Variants in DZIP1 observed in about 807,000 individuals in gnomAD.
DZIP1 encodes the protein cilium assembly protein DZIP1.
Under a neutral mutation model 107.6 loss-of-function variants are expected in DZIP1, and 97 were observed. The observed-to-expected ratio is 0.90, with a 90% CI of 0.77 to 1.07. The LOEUF is 1.07. Among genes scored for constraint, DZIP1 ranks in the 50% least tolerant of loss-of-function variants. The probability of loss-of-function intolerance (pLI) is 0.00; values close to 1 mark genes in which losing one functional copy is unlikely to be tolerated. For synonymous variants in DZIP1, 390 were observed against 386.4 expected (o/e 1.01, Z -0.11); for missense variants, 1,035 against 1,063.6 (o/e 0.97, Z 0.37).
chr13:95,628,988 A>G (rs915483930), intron 7 of DZIP1, among the ~76,000 whole-genome samples: 11 of 152,266 alleles, frequency 7.2e-5, no homozygotes, highest in Non-Finnish European at 1.6e-4. Context: ...ACTTAAAAAT[A>G]GTTAAAATCA....
intron 14 of DZIP1, among the ~76,000 whole-genome samples, chr13:95,604,124 C>A (rs565898837): frequency 3.3e-5 from 5 of 152,194 alleles, no homozygotes; most frequent in Non-Finnish European, 5.9e-5. Flanking sequence ...TTCGCCCAAC[C>A]CTGCTTCTCT....
chr13:95,625,508 G>A (rs1238751446), intron 7 of DZIP1, among the ~76,000 whole-genome samples: 5 of 152,042 alleles, frequency 3.3e-5, no homozygotes, highest in African/African-American at 1.2e-4. Flanking sequence ...AAGTGCACAT[G>A]GAATATTTAC....
rs545343509 is a variant in DZIP1, at chr13:95,610,708, A to G, written c.1363+737T>C. Among the ~76,000 whole-genome samples, 7 of 152,302 alleles carry G rather than the reference A, an allele frequency of 4.6e-5. No homozygotes were observed. The East Asian group carries it at 1.3e-3, about 29-fold the overall frequency. On this transcript the variant is annotated intron_variant, in intron 12 of 22. Coordinates refer to ENST00000376829, the MANE Select transcript of DZIP1 (RefSeq NM_198968.4). ...ATAACAAGCCTATGATATAGTTACT[A>G]TTTGCTATGACTTGAATGTCCCCTC...
At chr13:95,642,687 A>G (rs1289218203) in intron 3 of DZIP1, among the ~76,000 whole-genome samples, 1 of 152,192 alleles carries the variant, frequency 6.6e-6, no homozygotes, top group Non-Finnish European at 1.5e-5. Context: ...TTACCCAGCA[A>G]TATACACTTG....
intron 6 of DZIP1, among the ~76,000 whole-genome samples, chr13:95,631,937 A>G (rs1042412038): frequency 1.3e-5 from 2 of 152,168 alleles, no homozygotes; most frequent in East Asian, 3.8e-4. Context: ...ACAGCCGTCC[A>G]TTGTCAGTCT....
intron 12 of DZIP1, among the ~76,000 whole-genome samples, 175 bp downstream of exon 12, chr13:95,611,270 G>T (rs1444673801): frequency 6.6e-6 from 1 of 152,106 alleles, no homozygotes; most frequent in Non-Finnish European, 1.5e-5. Flanking sequence ...CACCTTTCTG[G>T]GTTGTGGTAA....
chr13:95,591,337 T>C (rs1375043675), intron 16 of DZIP1, among the ~76,000 whole-genome samples: 1 of 152,186 alleles, frequency 6.6e-6, no homozygotes, highest in East Asian at 1.9e-4. Flanking sequence ...AGAGGTGACA[T>C]TTAACTATGA....
chr13:95,624,736 A>T, intron 8 of DZIP1, 32 bp downstream of exon 8: 1 of 1,563,854 alleles, frequency 6.4e-7, no homozygotes, highest in South Asian at 1.2e-5. Context: ...AAGGCAATCA[A>T]TACCATAAGA....
chr13:95,634,668 A>G (rs1220409370), intron 5 of DZIP1, among the ~76,000 whole-genome samples: 1 of 152,228 alleles, frequency 6.6e-6, no homozygotes, highest in Admixed American at 6.5e-5. Context: ...TAAATCCTGG[A>G]TATTATATAT....
chr13:95,630,933 A>G, intron 6 of DZIP1: 1 of 309,578 alleles, frequency 3.2e-6, no homozygotes, highest in South Asian at 2.6e-5. Context: ...TGGTAGATTA[A>G]TTAAAATATT....
intron 12 of DZIP1, among the ~76,000 whole-genome samples, chr13:95,610,514 C>T (rs1023072398): frequency 2.6e-5 from 4 of 151,840 alleles, no homozygotes; most frequent in East Asian, 1.9e-4. Context: ...CGCTATGTTG[C>T]CCAGGCTAGT....
In DZIP1 at chr13:95,587,588, C is replaced by A; in HGVS notation, c.2169G>T (p.Gly723=). ...TGTCCTCGATTTCGCTTCCCTCGGTCCCGTCCGCGTCACTTTTCACTGTGT... is the reference window on the plus strand; with the variant it reads ...TGTCCTCGATTTCGCTTCCCTCGGTACCGTCCGCGTCACTTTTCACTGTGT... The part of the protein sequence containing the change: ...GKNTVKSDAD[G]TEGSEIEDTD... Residue 723 remains glycine, a synonymous_variant, in exon 20 of 23, where the codon GGG becomes GGT. Coordinates refer to ENST00000376829, the MANE Select transcript of DZIP1 (RefSeq NM_198968.4). 6.2e-7 allele frequency: 1 copy of A among 1,614,084 alleles called. No homozygotes were observed. Among genetic ancestry groups the A allele is most frequent in the Non-Finnish European group, 8.5e-7 (1 of 1,180,026 alleles).
chr13:95,616,224 A>G (rs1875048038), intron 10 of DZIP1, among the ~76,000 whole-genome samples: 1 of 152,166 alleles, frequency 6.6e-6, no homozygotes, highest in South Asian at 2.1e-4. Context: ...CTACATAGTC[A>G]TTGCCACGGG....
At position 95,581,986 on chromosome 13, in the gene DZIP1, A is replaced by G. The variant is rs1170298938; in HGVS notation, c.*248T>C. The G allele has an allele frequency of 5.5e-6, 2 of 366,684 alleles. No homozygotes were observed. The highest frequency in any genetic ancestry group is 4.9e-6 in the Non-Finnish European group (1 of 205,046). The allele number at this position is 366,684 out of a possible 1,614,324, so 22.7% of individuals were successfully genotyped here. A position where few individuals can be genotyped will look rare whatever the true frequency, so the allele number is the denominator to read the frequency against. ...GAAGAAAAAACTTTTTATGACTTCA[A>G]TGACATGTTATTTTTAAGCAGCAGC... On this transcript the variant is annotated 3_prime_UTR_variant, in exon 23 of 23. Transcript: ENST00000376829.
intron 5 of DZIP1, chr13:95,637,234 A>G (rs759895255): frequency 6.6e-6 from 1 of 152,210 alleles, no homozygotes; most frequent in Admixed American, 6.5e-5. Context: ...GTTGAGGTGA[A>G]AGGATTTTGA....
chr13:95,594,905 C>G (rs962636601), intron 15 of DZIP1, among the ~76,000 whole-genome samples: 1 of 151,682 alleles, frequency 6.6e-6, no homozygotes. Context: ...AAGTTCAAGA[C>G]AGTTTGGAGA....
intron 10 of DZIP1, among the ~76,000 whole-genome samples, chr13:95,614,451 C>T (rs1874789997): frequency 6.6e-6 from 1 of 151,980 alleles, no homozygotes; most frequent in African/African-American, 2.4e-5. Context: ...AGGATCTCGG[C>T]CTTGATCAAC....
At chr13:95,602,478 G>A (rs1285242818) in intron 14 of DZIP1, among the ~76,000 whole-genome samples, 2 of 152,180 alleles carry the variant, frequency 1.3e-5, no homozygotes, top group Non-Finnish European at 2.9e-5. Flanking sequence ...GTTCCGTGGG[G>A]ACAGGCTTCG....
At chr13:95,639,183 C>G (rs904166012) in intron 5 of DZIP1, among the ~76,000 whole-genome samples, 3 of 152,150 alleles carry the variant, frequency 2.0e-5, no homozygotes, top group Non-Finnish European at 4.4e-5. Context: ...GAAACTGAGG[C>G]ACAGGGAGGT....
Sources: gnomAD v4.1 joint callset for allele counts (sites outside exome capture counted in the v4.1 genomes callset) on GRCh38, gnomAD v4.1.1 for gene constraint, MANE v1.5 for transcripts, NCBI Gene and HGNC (gene_info 2026-07-23, HGNC 2026-07-21) for gene names.